Variants in ARFGEF1 observed in about 807,000 individuals in gnomAD.
ARFGEF1 encodes ARF guanine nucleotide exchange factor 1, also known as brefeldin A-inhibited guanine nucleotide-exchange protein 1.
A neutral mutation model predicts 231.0 loss-of-function variants in ARFGEF1; 42 were observed. The ratio of observed to expected loss-of-function variants is 0.18; its 90% CI spans 0.14 to 0.24. The LOEUF (loss-of-function observed/expected upper bound fraction) is 0.24. Among genes scored for constraint, ARFGEF1 ranks in the 10% least tolerant of loss-of-function variants. ARFGEF1 has a pLI of 1.00. For missense variants in ARFGEF1, 1,345 were observed against 2,192.0 expected, an observed-to-expected ratio of 0.61 and a Z score of 7.72; for synonymous variants, 710 against 732.3, an observed-to-expected ratio of 0.97 and a Z score of 0.49.
chr8:67,301,553 T>C (rs757009670), intron 2 of ARFGEF1, among the ~76,000 whole-genome samples, 173 bp from the exon 3 acceptor site: 3 of 152,212 alleles, frequency 2.0e-5, no homozygotes, highest in Non-Finnish European at 4.4e-5. Context: ...GTTTGCCACA[T>C]AGTCAAAAGC....
intron 6 of ARFGEF1, among the ~76,000 whole-genome samples, chr8:67,291,284 G>A (rs988336655): frequency 5.9e-5 from 9 of 151,944 alleles, no homozygotes; most frequent in Admixed American, 4.6e-4. Flanking sequence ...TCTTATAAGC[G>A]TTTTCTTATA....
At chr8:67,196,438 GGAAA>G (rs573767495), downstream of ARFGEF1, among the ~76,000 whole-genome samples, 150 of 152,190 alleles carry the variant, frequency 9.9e-4, no homozygotes, top group African/African-American at 3.5e-3. Context: ...TTCTAAAAAA[GGAAA>G]GAGTCATTCA....
chr8:67,272,837 G>T (rs1163951589), intron 9 of ARFGEF1, among the ~76,000 whole-genome samples: 1 of 152,126 alleles, frequency 6.6e-6, no homozygotes, highest in Non-Finnish European at 1.5e-5. Context: ...GCCAGGCGTG[G>T]TGGCTCATGC....
At chr8:67,201,738 G>T in intron 36 of ARFGEF1, 133 bp from the exon 37 acceptor site, 6 of 1,179,576 alleles carry the variant, frequency 5.1e-6, no homozygotes, top group Non-Finnish European at 7.2e-6. Flanking sequence ...AGCCACAGCA[G>T]CCTGATGTGA....
intron 5 of ARFGEF1, among the ~76,000 whole-genome samples, chr8:67,185,828 TAA>T (rs377703444): frequency 7.2e-5 from 11 of 152,086 alleles, no homozygotes; most frequent in African/African-American, 2.7e-4. Flanking sequence ...CAGAAATGCA[TAA>T]AAGTCAAATC....
intron 1 of ARFGEF1, among the ~76,000 whole-genome samples, chr8:67,303,730 A>G (rs1300694768): frequency 1.3e-5 from 2 of 151,128 alleles, no homozygotes; most frequent in African/African-American, 4.9e-5. Context: ...AAAAAAAAAA[A>G]TAATAATTAA....
chr8:67,179,235 C>T (rs1832419676), intron 5 of ARFGEF1, among the ~76,000 whole-genome samples: 1 of 152,034 alleles, frequency 6.6e-6, no homozygotes, highest in South Asian at 2.1e-4. Context: ...TTATAATAAG[C>T]CCAATCTTAG....
chr8:67,294,548 T>C (rs894473469), intron 5 of ARFGEF1, among the ~76,000 whole-genome samples: 2 of 152,126 alleles, frequency 1.3e-5, no homozygotes, highest in African/African-American at 4.8e-5. Flanking sequence ...CTAAAACTAA[T>C]GGGTATAATA....
chr8:67,233,426 T>C (rs1458681526), intron 22 of ARFGEF1, among the ~76,000 whole-genome samples: 1 of 152,022 alleles, frequency 6.6e-6, no homozygotes, highest in Admixed American at 6.6e-5. Context: ...TCTTTTCCCT[T>C]GAAACTGGTT....
intron 29 of ARFGEF1, among the ~76,000 whole-genome samples, chr8:67,221,031 C>G (rs1396228939): frequency 6.6e-6 from 1 of 151,568 alleles, no homozygotes; most frequent in Non-Finnish European, 1.5e-5. Context: ...TATAATAGAG[C>G]TATAAAGTTC....
At chr8:67,277,620 T>C (rs1805367364) in intron 7 of ARFGEF1, among the ~76,000 whole-genome samples, 163 bp from the exon 8 acceptor site, 1 of 152,202 alleles carries the variant, frequency 6.6e-6, no homozygotes, top group Non-Finnish European at 1.5e-5. Context: ...TAAATAAGTA[T>C]GCATCTGGCA....
At chr8:67,332,340 G>C (rs11780159) in intron 1 of ARFGEF1, among the ~76,000 whole-genome samples, 1 of 152,098 alleles carries the variant, frequency 6.6e-6, no homozygotes, top group African/African-American at 2.4e-5. Flanking sequence ...AAGCAAATGA[G>C]AGTAGTTTTA....
chr8:67,246,468 A>C (rs1840110433), intron 19 of ARFGEF1, among the ~76,000 whole-genome samples: 1 of 150,486 alleles, frequency 6.6e-6, no homozygotes, highest in Non-Finnish European at 1.5e-5. Flanking sequence ...TAGAAACAAC[A>C]CAAACACATG....
intron 1 of ARFGEF1, among the ~76,000 whole-genome samples, chr8:67,336,091 A>G (rs1489660010): frequency 6.6e-6 from 1 of 152,268 alleles, no homozygotes; most frequent in Non-Finnish European, 1.5e-5. Context: ...AAAAGATAAC[A>G]TAGGTTATAT....
intron 1 of ARFGEF1, among the ~76,000 whole-genome samples, chr8:67,311,035 C>T (rs1309610245): frequency 1.4e-5 from 2 of 144,538 alleles, no homozygotes; most frequent in African/African-American, 5.2e-5. Flanking sequence ...AGGTGAGGGG[C>T]GCCTCTGCCC....
Position 67,218,191 on chromosome 8 carries a change from T to TAAAAA in ARFGEF1, c.4339-58_4339-54dup, listed in dbSNP as rs10719102. The TAAAAA allele has an allele frequency of 2.4e-4, 37 of 153,690 alleles. 1 individual carries two copies. Among genetic ancestry groups the TAAAAA allele is most frequent in the East Asian group, 1.0e-3 (5 of 4,844 alleles). The allele number at this position is 153,690 out of a possible 1,614,324, so 9.5% of individuals were successfully genotyped here. A position where few individuals can be genotyped will look rare whatever the true frequency, so the allele number is the denominator to read the frequency against. ...CACGCCATTAATCAACTACTATGAT[T>TAAAAA]AAAAAAAAAAAAAAAAATATATATA... On this transcript the variant is annotated intron_variant, in intron 30 of 38. Coordinates refer to ENST00000262215, the MANE Select transcript of ARFGEF1 (RefSeq NM_006421.5).
Position 67,266,129 on chromosome 8 carries a change from G to C in ARFGEF1, c.2000C>G (p.Ser667Cys). 1 of 1,613,680 alleles carries C rather than the reference G, an allele frequency of 6.2e-7. No homozygotes were observed. Among genetic ancestry groups the C allele is most frequent in the Non-Finnish European group, 8.5e-7 (1 of 1,179,828 alleles). Residue 667 changes from serine to cysteine, a missense_variant, in exon 14 of 39, where the codon TCC (serine) becomes TGC (cysteine). Transcript: ENST00000262215. Reference protein sequence around the residue: ...ETINRYGSLNSLESTSSSGIG... With the variant: ...ETINRYGSLNCLESTSSSGIG... The stretch of plus-strand genomic sequence containing the variant: ...TCCTGATGATGATGTTGACTCCAGG[G>C]AATTTAAACTTCCGTATCTGTTTAT...
chr8:67,269,464 T>C (rs1804984600), intron 10 of ARFGEF1, among the ~76,000 whole-genome samples: 1 of 151,124 alleles, frequency 6.6e-6, no homozygotes, highest in African/African-American at 2.4e-5. Flanking sequence ...GCGATTGTCC[T>C]GCCTCTGCTC....
Position 67,267,344 on chromosome 8 carries a change from T to C in ARFGEF1, c.1671A>G (p.Ala557=), listed in dbSNP as rs1311220185. The change falls in exon 11 of 39, where the codon GCA becomes GCG. Residue 557 remains alanine, a splice_region_variant and synonymous_variant. Transcript: ENST00000262215. ...AATAAAAAGGATAATTTAAAATACC[T>C]GCACAAATCCTCGTCAGTGTCTGAA... ...MVIQTLTRIC[A]DAQSVVDIYV... The C allele has an allele frequency of 1.2e-6, 2 of 1,605,318 alleles. No homozygotes were observed. Among genetic ancestry groups the C allele is most frequent in the East Asian group, 2.2e-5 (1 of 44,752 alleles).
Sources: gnomAD v4.1 joint callset for allele counts (sites outside exome capture counted in the v4.1 genomes callset) on GRCh38, gnomAD v4.1.1 for gene constraint, MANE v1.5 for transcripts, NCBI Gene and HGNC (gene_info 2026-07-23, HGNC 2026-07-21) for gene names.